Variants in ALK observed in about 807,000 individuals in gnomAD.
ALK encodes ALK tyrosine kinase receptor.
In ALK, 74 loss-of-function variants were observed where a neutral mutation model predicts 163.1. The observed-to-expected ratio is 0.45, with a 90% confidence interval of 0.38 to 0.55. ALK has a LOEUF of 0.55. ALK is among the 20% of genes least tolerant of loss of function. The pLI is 0.00. For synonymous variants in ALK, 960 were observed against 843.2 expected (o/e 1.14, Z -2.40); for missense variants, 2,063 against 2,105.3 (o/e 0.98, Z 0.39).
intron 1 of ALK, among the ~76,000 whole-genome samples, chr2:29,907,404 C>T (rs1296117343): frequency 3.9e-5 from 6 of 152,144 alleles, no homozygotes; most frequent in Admixed American, 6.5e-5. Flanking sequence ...TACTTAAACA[C>T]GTTTTGCTTC....
At chr2:29,419,881 G>A (rs1431230666) in intron 4 of ALK, among the ~76,000 whole-genome samples, 2 of 151,396 alleles carry the variant, frequency 1.3e-5, no homozygotes, top group Non-Finnish European at 2.9e-5. Flanking sequence ...GGGACTGGCT[G>A]GGTGAGGTGG....
chr2:29,379,834 G>A (rs1191671366), intron 5 of ALK, among the ~76,000 whole-genome samples: 1 of 152,202 alleles, frequency 6.6e-6, no homozygotes, highest in African/African-American at 2.4e-5. Context: ...AAGACACACA[G>A]CTGGGAATAT....
intron 4 of ALK, among the ~76,000 whole-genome samples, chr2:29,513,005 C>T (rs1672564641): frequency 6.6e-6 from 1 of 151,418 alleles, no homozygotes; most frequent in South Asian, 2.1e-4. Context: ...AAAGAGGATG[C>T]AAACAAATGG....
intron 3 of ALK, among the ~76,000 whole-genome samples, chr2:29,692,504 A>T (rs1186797330): frequency 6.6e-6 from 1 of 152,272 alleles, no homozygotes; most frequent in African/African-American, 2.4e-5. Context: ...TCTCATAAGA[A>T]GTACTCAACC....
At chr2:29,572,041 T>A (rs568255630) in intron 3 of ALK, among the ~76,000 whole-genome samples, 111 of 152,168 alleles carry the variant, frequency 7.3e-4, no homozygotes, top group Non-Finnish European at 1.4e-3. Flanking sequence ...CAAGAACCAA[T>A]GTTAGGGAAA....
At chr2:29,408,745 G>A (rs1669655866) in intron 4 of ALK, among the ~76,000 whole-genome samples, 1 of 152,148 alleles carries the variant, frequency 6.6e-6, no homozygotes, top group Admixed American at 6.5e-5. Context: ...ATGGGCAGAT[G>A]AGAATTTTTA....
chr2:29,203,001 G>A (rs1051377550), intron 26 of ALK, among the ~76,000 whole-genome samples: 2 of 152,154 alleles, frequency 1.3e-5, no homozygotes, highest in Admixed American at 1.3e-4. Flanking sequence ...CTCTGTCTCT[G>A]GATCCCCTGG....
At chr2:29,891,925 T>C (rs571113709) in intron 1 of ALK, among the ~76,000 whole-genome samples, 3 of 152,292 alleles carry the variant, frequency 2.0e-5, no homozygotes, top group East Asian at 3.9e-4. Context: ...TCTGACCACA[T>C]GTCTTTTGCT....
chr2:29,522,976 G>C (rs1672854325), intron 4 of ALK, among the ~76,000 whole-genome samples: 1 of 152,166 alleles, frequency 6.6e-6, no homozygotes, highest in Non-Finnish European at 1.5e-5. Context: ...ACAAGAAGAG[G>C]TAGTGGTGAT....
intron 4 of ALK, among the ~76,000 whole-genome samples, chr2:29,435,236 T>G (rs1670369680): frequency 6.6e-6 from 1 of 152,178 alleles, no homozygotes; most frequent in African/African-American, 2.4e-5. Context: ...GAGCCTACTA[T>G]GTGGCAAGTA....
chr2:29,833,342 G>A (rs532777996), intron 1 of ALK, among the ~76,000 whole-genome samples: 17 of 152,180 alleles, frequency 1.1e-4, no homozygotes, highest in African/African-American at 1.4e-4. Flanking sequence ...AGCAGCCTCC[G>A]GGCTTGGCCC....
At chr2:29,288,955 AAAATAAATAAATAAATAAAT>A (rs1179785867) in intron 9 of ALK, among the ~76,000 whole-genome samples, 1 of 26,758 alleles carries the variant, frequency 3.7e-5, no homozygotes, top group African/African-American at 5.5e-5. Flanking sequence ...CCTTCTCAAA[AAAATAAATAAATAAATAAAT>A]AAATAAATAA....
At chr2:29,276,355 G>A (rs1015317074) in intron 9 of ALK, among the ~76,000 whole-genome samples, 4 of 152,200 alleles carry the variant, frequency 2.6e-5, no homozygotes, top group East Asian at 3.8e-4. Context: ...CTGTGGCCAG[G>A]GAAGGCCTTA....
chr2:29,528,122 G>A (rs1002745444), intron 4 of ALK, among the ~76,000 whole-genome samples: 28 of 152,162 alleles, frequency 1.8e-4, no homozygotes, highest in African/African-American at 6.3e-4. Context: ...CCAAATGATT[G>A]GCAACTTCTA....
rs75863839 is a variant in ALK, at chr2:29,531,602, C to T, written c.1154+313G>A. ...CTTTCATTCTGGCCTTTTAACATTT[C>T]TTTGACTGTTTTCTTCTTGGCTGTA... On this transcript the variant is annotated intron_variant, in intron 4 of 28. Transcript: ENST00000389048. Among the ~76,000 whole-genome samples the T allele has an allele frequency of 3.7e-3, 565 of 152,254 alleles. 2 individuals are homozygous for T. The highest frequency in any genetic ancestry group is 0.013 in the African/African-American group (529 of 41,542).
At chr2:29,647,611 C>T (rs963840205) in intron 3 of ALK, among the ~76,000 whole-genome samples, 2 of 151,996 alleles carry the variant, frequency 1.3e-5, no homozygotes, top group East Asian at 1.9e-4. Context: ...AAGAAGCGTC[C>T]GGAATTGAGG....
At chr2:29,369,850 T>C (rs1247869816) in intron 5 of ALK, among the ~76,000 whole-genome samples, 1 of 152,192 alleles carries the variant, frequency 6.6e-6, no homozygotes, top group South Asian at 2.1e-4. Context: ...ATAAATGATA[T>C]GGTTCTGAGT....
intron 3 of ALK, among the ~76,000 whole-genome samples, chr2:29,534,314 T>A (rs1673197270): frequency 6.6e-6 from 1 of 152,304 alleles, no homozygotes; most frequent in East Asian, 1.9e-4. Context: ...AAATTCGAAG[T>A]GTTTGCTATA....
intron 1 of ALK, among the ~76,000 whole-genome samples, chr2:29,781,340 C>T (rs180976792): frequency 5.9e-5 from 9 of 152,140 alleles, no homozygotes; most frequent in Non-Finnish European, 1.0e-4. Context: ...TCTCTGTATT[C>T]CAGAGACCAA....
Sources: allele counts gnomAD v4.1 joint callset (sites outside exome capture counted in the v4.1 genomes callset), GRCh38; gene constraint gnomAD v4.1.1; transcripts MANE v1.5; gene names NCBI Gene and HGNC (gene_info 2026-07-23, HGNC 2026-07-21).